FUT8: variants seen among roughly 807,000 people sequenced by gnomAD.
FUT8 encodes fucosyltransferase 8, also known as alpha-(1,6)-fucosyltransferase.
FUT8 carries 29 observed loss-of-function variants against 71.3 expected under a neutral mutation model. The observed-to-expected ratio is 0.41, with a 90% confidence interval of 0.30 to 0.55. FUT8 has a LOEUF of 0.55. Among genes scored for constraint, FUT8 ranks in the 20% least tolerant of loss-of-function variants. The pLI is 0.34. For missense variants in FUT8, 544 were observed against 702.1 expected, an observed-to-expected ratio of 0.77 and a Z score of 2.55; for synonymous variants, 254 against 239.3, an observed-to-expected ratio of 1.06 and a Z score of -0.57.
At chr14:65,385,697 C>G in the FUT8 span, among the ~76,000 whole-genome samples, 1 of 151,998 alleles carries the variant, frequency 6.6e-6, no homozygotes, top group Non-Finnish European at 1.5e-5. Flanking sequence ...TTCACGGCAA[C>G]TATTGTATTT....
rs972876786 is a variant in FUT8 at position 65,413,591 on chromosome 14, T to G, written c.-326+377T>G. On this transcript the variant is annotated intron_variant, in intron 1 of 10. Coordinates refer to ENST00000673929, the MANE Select transcript of FUT8 (RefSeq NM_001371533.1). This position sits in a 1 kb window ranked among gnomAD's most constrained non-coding sequence, Gnocchi z 4.1. Reference sequence around the variant, plus strand: ...CCGTCGTTTCCCCTCCACACCTACCTTCCCTTCGTCAGCAGCTCGGTCCCT... The same window carrying G: ...CCGTCGTTTCCCCTCCACACCTACCGTCCCTTCGTCAGCAGCTCGGTCCCT... 1.3e-5 allele frequency among the ~76,000 whole-genome samples: 2 copies of G among 152,102 alleles called. No individual in the cohort carries two copies. The highest frequency in any genetic ancestry group is 2.4e-5 in the African/African-American group (1 of 41,438).
In FUT8 at chr14:65,528,619, A is replaced by G. The variant is rs113613417; in HGVS notation, c.-227-32718A>G. Among the ~76,000 whole-genome samples the G allele has an allele frequency of 9.5e-3, 1,450 of 152,254 alleles. 23 individuals are homozygous for G. The highest frequency in any genetic ancestry group is 0.033 in the African/African-American group (1,382 of 41,538). ...TGGTACCTCAGTTGGAAATGCAGAA[A>G]TCACCTGTCTTCTGCGTCGCTCAGG... On this transcript the variant is annotated intron_variant, in intron 2 of 10. Coordinates refer to ENST00000673929, the MANE Select transcript of FUT8 (RefSeq NM_001371533.1).
At chr14:65,509,655 T>C (rs1594716921) in intron 2 of FUT8, among the ~76,000 whole-genome samples, 2 of 152,090 alleles carry the variant, frequency 1.3e-5, no homozygotes, top group African/African-American at 4.8e-5. Flanking sequence ...AATTCCTAGG[T>C]ATGTATTTAT....
chr14:65,443,789 G>A (rs1204012463), intron 1 of FUT8, among the ~76,000 whole-genome samples: 1 of 151,620 alleles, frequency 6.6e-6, no homozygotes, highest in Non-Finnish European at 1.5e-5. Context: ...AACTCCTTGA[G>A]TTCAGAGTCA....
At chr14:65,684,739 C>T (rs1893196375) in intron 7 of FUT8, among the ~76,000 whole-genome samples, 1 of 152,158 alleles carries the variant, frequency 6.6e-6, no homozygotes, top group Admixed American at 6.5e-5. Context: ...GGCATTTCCC[C>T]TGCTCTCACT....
rs77355837 is a variant in FUT8, at chr14:65,605,248, A to G, written c.204-10730A>G. Among the ~76,000 whole-genome samples, 741 of 152,032 alleles carry G rather than the reference A, an allele frequency of 4.9e-3. 10 individuals are homozygous for G. Among genetic ancestry groups the G allele is most frequent in the African/African-American group, 0.017 (704 of 41,530 alleles). ...TTTTCAACTTTGGAGCAATTCAGCA[A>G]TATTTTCTAAACAAATTATTCTAAT... On this transcript the variant is annotated intron_variant, in intron 3 of 10. Transcript: ENST00000673929.
intron 3 of FUT8, among the ~76,000 whole-genome samples, chr14:65,592,030 T>A (rs1367030641): frequency 6.6e-6 from 1 of 152,136 alleles, no homozygotes; most frequent in Non-Finnish European, 1.5e-5. Context: ...TGCTTCTAGA[T>A]CTCACCTAGT....
At chr14:65,639,617 A>G (rs776683908) in intron 6 of FUT8, among the ~76,000 whole-genome samples, 10 of 151,942 alleles carry the variant, frequency 6.6e-5, no homozygotes, top group Non-Finnish European at 1.2e-4. Context: ...ACTATTTCCC[A>G]TATCTCTGGT....
At chr14:65,560,231 T>A (rs1885836988) in intron 2 of FUT8, among the ~76,000 whole-genome samples, 1 of 152,158 alleles carries the variant, frequency 6.6e-6, no homozygotes, top group South Asian at 2.1e-4. Flanking sequence ...ACATTCAGTC[T>A]CGTATACAGA....
chr14:65,483,165 A>C lies in FUT8; in HGVS notation c.-228+27447A>C, dbSNP rs925941690. Among the ~76,000 whole-genome samples, 1 of 152,208 alleles carries C rather than the reference A, an allele frequency of 6.6e-6. No individual in the cohort carries two copies. The highest frequency in any genetic ancestry group is 2.4e-5 in the African/African-American group (1 of 41,456). On this transcript the variant is annotated intron_variant, in intron 2 of 10. Coordinates refer to ENST00000673929, the MANE Select transcript of FUT8 (RefSeq NM_001371533.1). The surrounding 1 kb of genome is among the most constrained non-coding windows in gnomAD (Gnocchi z 4.4). ...AGTTCCACAAGGTAGACTTCCAGTAAGTTCTGCTGGTGCAGCACTACAGCA... is the reference window on the plus strand; with the variant it reads ...AGTTCCACAAGGTAGACTTCCAGTACGTTCTGCTGGTGCAGCACTACAGCA...
chr14:65,511,374 A>G (rs1882328062), intron 2 of FUT8, among the ~76,000 whole-genome samples: 1 of 152,192 alleles, frequency 6.6e-6, no homozygotes, highest in Non-Finnish European at 1.5e-5. Flanking sequence ...TAAAGAAAAG[A>G]ATGTATATTC....
At chr14:65,700,839 A>C (rs147223882) in intron 7 of FUT8, among the ~76,000 whole-genome samples, 3 of 152,280 alleles carry the variant, frequency 2.0e-5, no homozygotes, top group African/African-American at 7.2e-5. Context: ...GAAGAGAATC[A>C]TCCTATTGTC....
intron 2 of FUT8, among the ~76,000 whole-genome samples, chr14:65,522,164 G>GAA (rs1883124837): frequency 6.6e-6 from 1 of 152,138 alleles, no homozygotes; most frequent in African/African-American, 2.4e-5. Flanking sequence ...CTTGCATCTA[G>GAA]AATCAGATTG....
At chr14:65,688,643 G>T (rs1441728224) in intron 7 of FUT8, among the ~76,000 whole-genome samples, 1 of 151,544 alleles carries the variant, frequency 6.6e-6, no homozygotes, top group Non-Finnish European at 1.5e-5. Flanking sequence ...CAATTTTTTG[G>T]CAATTTTGAA....
chr14:65,496,994 C>G (rs2066569233), intron 2 of FUT8, among the ~76,000 whole-genome samples: 1 of 152,132 alleles, frequency 6.6e-6, no homozygotes, highest in African/African-American at 2.4e-5. Context: ...GAAATAATAG[C>G]AACCACCTCC....
At chr14:65,676,678 G>A (rs1248406824) in intron 7 of FUT8, among the ~76,000 whole-genome samples, 1 of 136,104 alleles carries the variant, frequency 7.3e-6, no homozygotes, top group African/African-American at 2.8e-5. Context: ...GTTTTCCTCA[G>A]ACATACTTAT....
chr14:65,688,155 T>C (rs1010529476), intron 7 of FUT8, among the ~76,000 whole-genome samples: 1 of 152,194 alleles, frequency 6.6e-6, no homozygotes, highest in African/African-American at 2.4e-5. Flanking sequence ...ATTCTCTTGC[T>C]TTTGCCAAAT....
intron 6 of FUT8, chr14:65,636,714 G>C (rs1890577737): frequency 6.6e-6 from 1 of 152,148 alleles, no homozygotes; most frequent in Admixed American, 6.5e-5. Flanking sequence ...GTTGTGAGAA[G>C]AAGTTTGGTC....
intron 2 of FUT8, among the ~76,000 whole-genome samples, chr14:65,524,480 C>A (rs886589335): frequency 1.3e-5 from 2 of 152,152 alleles, no homozygotes; most frequent in African/African-American, 2.4e-5. Flanking sequence ...TGGGCTGAGA[C>A]AATGGGGTTT....
Sources: gnomAD v4.1 joint callset for allele counts (sites outside exome capture counted in the v4.1 genomes callset) on GRCh38, gnomAD v4.1.1 for gene constraint, Gnocchi (gnomAD v3.1) non-coding constraint, MANE v1.5 for transcripts, NCBI Gene and HGNC (gene_info 2026-07-23, HGNC 2026-07-21) for gene names.